Variants in ALOXE3 observed in about 807,000 individuals in gnomAD.
ALOXE3 encodes the protein arachidonate epidermal lipoxygenase 3, also known as hydroperoxide isomerase ALOXE3.
ALOXE3 carries 78 observed loss-of-function variants against 87.5 expected under a neutral mutation model. The ratio of observed to expected loss-of-function variants is 0.89; its 90% CI spans 0.74 to 1.08. The LOEUF (loss-of-function observed/expected upper bound fraction) is 1.08. Ranked by LOEUF, ALOXE3 falls within the 50% of genes least tolerant of loss-of-function variation. The pLI, the probability that ALOXE3 is intolerant of heterozygous loss-of-function variation, is 0.00. For synonymous variants in ALOXE3, 363 were observed against 370.8 expected (o/e 0.98, Z 0.24); for missense variants, 946 against 912.4 (o/e 1.04, Z -0.47).
Position 8,114,478 on chromosome 17 carries a change from C to T in ALOXE3, c.680+6G>A. ...AAGATGTTCATTAGAGGGACAATGG[C>T]CTTACGCAGGGATGGCATTGAAGAG... is the stretch of plus-strand genomic sequence containing the variant. On this transcript the variant is annotated splice_donor_region_variant and intron_variant, in intron 6 of 15. Coordinates refer to ENST00000448843, the MANE Select transcript of ALOXE3 (RefSeq NM_021628.3). The T allele has an allele frequency of 6.2e-7, 1 of 1,613,476 alleles. No individual in the cohort carries two copies. Among genetic ancestry groups the T allele is most frequent in the Non-Finnish European group, 8.5e-7 (1 of 1,179,868 alleles).
chr17:8,117,394 T>C (rs976717790), intron 2 of ALOXE3, among the ~76,000 whole-genome samples: 1 of 152,208 alleles, frequency 6.6e-6, no homozygotes, highest in Non-Finnish European at 1.5e-5. Context: ...CCCTCCAGCC[T>C]GGGCAACAAG....
chr17:8,108,786 A>T (rs1456546877), intron 12 of ALOXE3, among the ~76,000 whole-genome samples, 197 bp from the exon 13 acceptor site: 1 of 151,788 alleles, frequency 6.6e-6, no homozygotes, highest in Non-Finnish European at 1.5e-5. Context: ...GGTGCTCCAC[A>T]CTTCCTTCCT....
intron 15 of ALOXE3, among the ~76,000 whole-genome samples, chr17:8,098,662 T>C (rs573479647): frequency 8.5e-5 from 13 of 152,344 alleles, no homozygotes; most frequent in African/African-American, 3.1e-4. Context: ...TTATATGGTA[T>C]GCATCTTTAT....
rs997827283 is a variant in ALOXE3, at chr17:8,114,922, A to G, written c.554+16T>C. 1.2e-6 allele frequency: 2 copies of G among 1,613,424 alleles called. No homozygotes were observed. The highest frequency in any genetic ancestry group is 2.7e-5 in the African/African-American group (2 of 74,696). ...CTTGACTTCCTTTCCCCTCCTTCCC[A>G]AGCTTTAATCTTCACCTGTCACCCT... On this transcript the variant is annotated intron_variant, in intron 5 of 15. Transcript: ENST00000448843.
rs1458223587 is a variant in ALOXE3, at chr17:8,110,572, C to G, written c.958-44G>C. ...GGCTGAGTGTCCCTCCCTACTCGCG[C>G]TCCACTTCCCTCCCATTTCCCTGCC... On this transcript the variant is annotated intron_variant, in intron 8 of 15. Transcript: ENST00000448843. 1.9e-6 allele frequency: 3 copies of G among 1,612,462 alleles called. No homozygotes were observed. In the South Asian group the frequency reaches 3.3e-5, roughly 18 times the overall value.
chr17:8,114,021 G>A (rs1399755210), intron 6 of ALOXE3, among the ~76,000 whole-genome samples: 27 of 139,040 alleles, frequency 1.9e-4, no homozygotes, highest in African/African-American at 5.4e-4. Flanking sequence ...GTGAAACTCC[G>A]TCTCAAAAAA....
At position 8,118,041 on chromosome 17, in the gene ALOXE3, G is replaced by A. The variant is rs537770794; in HGVS notation, c.-51C>T. On this transcript the variant is annotated 5_prime_UTR_variant, in exon 2 of 16. Transcript: ENST00000448843. ...GGCAACGCTGGCCGCAGCAGCAGCC[G>A]GCCTGGAGGAGAAGAGCGGCACGCC... 3 of 1,598,220 alleles carry A rather than the reference G, an allele frequency of 1.9e-6. No individual in the cohort carries two copies. In the South Asian group the frequency reaches 3.4e-5, roughly 18 times the overall value.
rs767431951 is a variant in ALOXE3, at chr17:8,114,949, G to C, written c.543C>G (p.Asp181Glu). ...GCTTTAATCTTCACCTGTCACCCTG[G>C]TCTACACAAGTTGTCGTCTTTGTCA... ...FALTKTTTCVDQGDSSGNRYL... is the reference protein window; with the variant it reads ...FALTKTTTCVEQGDSSGNRYL... The change falls in exon 5 of 16, where the codon GAC becomes GAG. Residue 181 changes from aspartate (D) to glutamate (E), a missense_variant. Asp to Glu is a conservative substitution (Grantham distance 45, BLOSUM62 2). Coordinates refer to ENST00000448843, the MANE Select transcript of ALOXE3 (RefSeq NM_021628.3). 6 of 1,613,544 alleles carry C rather than the reference G, an allele frequency of 3.7e-6. No homozygotes were observed. The East Asian group carries it at 1.3e-4, about 36-fold the overall frequency.
At chr17:8,111,334 G>T in intron 8 of ALOXE3, 25 bp downstream of exon 8, 1 of 1,611,956 alleles carries the variant, frequency 6.2e-7, no homozygotes. Context: ...CACCTATCAG[G>T]CCCACTGCCC....
chr17:8,116,912 C>T lies in ALOXE3; in HGVS notation c.216G>A (p.Glu72=). 1 of 1,614,266 alleles carries T rather than the reference C, an allele frequency of 6.2e-7. No homozygotes were observed. Among genetic ancestry groups the T allele is most frequent in the East Asian group, 2.2e-5 (1 of 44,884 alleles). The change falls in exon 3 of 16, where the codon GAG becomes GAA. Residue 72 remains glutamate (E), a synonymous_variant. Transcript: ENST00000448843. The part of the protein sequence containing the change: ...GELLLLRVHK[E]RYAFFRKDSW... ...AGTCCTTGCGGAAGAAAGCGTAGCGCTCCTTGTGTACACGCAGCAGCAAGA... is the reference window on the plus strand; with the variant it reads ...AGTCCTTGCGGAAGAAAGCGTAGCGTTCCTTGTGTACACGCAGCAGCAAGA...
Position 8,110,378 on chromosome 17 carries a change from G to A in ALOXE3, c.1101+7C>T, listed in dbSNP as rs1292499017. ...CCCCCATCCCGGGGCGGCGGCGCCG[G>A]GCTCACCTGGATGGCCAAGGGCACC... is the stretch of plus-strand genomic sequence containing the variant. On this transcript the variant is annotated splice_region_variant and intron_variant, in intron 9 of 15. Coordinates refer to ENST00000448843, the MANE Select transcript of ALOXE3 (RefSeq NM_021628.3). 1 of 1,605,360 alleles carries A rather than the reference G, an allele frequency of 6.2e-7. No homozygotes were observed. Among genetic ancestry groups the A allele is most frequent in the South Asian group, 1.1e-5 (1 of 90,492 alleles).
chr17:8,105,914 C>CAAAAAA (rs1164518718), intron 13 of ALOXE3, among the ~76,000 whole-genome samples: 2 of 43,168 alleles, frequency 4.6e-5, no homozygotes, highest in African/African-American at 9.3e-5. Flanking sequence ...GACCCCGCCT[C>CAAAAAA]AAAAAAAAAA....
intron 15 of ALOXE3, 68 bp from the exon 16 acceptor site, chr17:8,096,874 T>C (rs1167900283): frequency 1.1e-5 from 17 of 1,559,146 alleles, no homozygotes; most frequent in Middle Eastern, 1.7e-4. Flanking sequence ...GAGGACCACA[T>C]GTAACAGCAA....
In ALOXE3 at chr17:8,114,550, T is replaced by A; in HGVS notation, c.614A>T (p.Tyr205Phe). The A allele has an allele frequency of 1.2e-6, 2 of 1,613,902 alleles. No homozygotes were observed. The highest frequency in any genetic ancestry group is 1.7e-6 in the Non-Finnish European group (2 of 1,179,944). ...PMKIDIPSLM[Y>F]MEPNVRYSAT... ...TGAGTATCGAACATTGGGCTCCATGTACATCAGGGATGGGATGTCAATTTT... is the reference window on the plus strand; with the variant it reads ...TGAGTATCGAACATTGGGCTCCATGAACATCAGGGATGGGATGTCAATTTT... The change falls in exon 6 of 16, where the codon TAC becomes TTC. Residue 205 changes from tyrosine (Y) to phenylalanine (F), a missense_variant. By Grantham distance (22) the Tyr-to-Phe change is conservative (BLOSUM62 3). Coordinates refer to ENST00000448843, the MANE Select transcript of ALOXE3 (RefSeq NM_021628.3).
intron 14 of ALOXE3, 161 bp from the exon 15 acceptor site, chr17:8,103,654 A>C: frequency 3.5e-6 from 3 of 849,222 alleles, no homozygotes; most frequent in Non-Finnish European, 5.7e-6. Context: ...GGATCATGGA[A>C]AGGCAAGAGA....
intron 13 of ALOXE3, 90 bp from the exon 14 acceptor site, chr17:8,104,305 A>G (rs1179494681): frequency 3.1e-6 from 3 of 961,988 alleles, no homozygotes; most frequent in South Asian, 1.3e-5. Context: ...ACAGGGGGAA[A>G]GTGAGGAAGT....
intron 6 of ALOXE3, among the ~76,000 whole-genome samples, chr17:8,113,749 G>A (rs1980308477): frequency 6.7e-6 from 1 of 149,564 alleles, no homozygotes; most frequent in Non-Finnish European, 1.5e-5. Context: ...TGTGTGGGCT[G>A]GGCGTGGTGG....
chr17:8,108,384 A>G (rs1979692812), intron 13 of ALOXE3, 84 bp downstream of exon 13: 21 of 1,567,902 alleles, frequency 1.3e-5, no homozygotes, highest in Non-Finnish European at 1.8e-5. Context: ...AGGCTGGTCA[A>G]TAAATAACTG....
At position 8,103,362 on chromosome 17, in the gene ALOXE3, G is replaced by T. The variant is rs1250787617; in HGVS notation, c.1917C>A (p.Leu639=). Reference sequence around the variant, plus strand: ...CTTGGCTAACCAACCAGAAGAGGAGGAGGTTGTTACAGCTGATGTTCACTT... The same window carrying T: ...CTTGGCTAACCAACCAGAAGAGGAGTAGGTTGTTACAGCTGATGTTCACTT... ...LPEVNISCNN[L]LLFWLVSQEP... Residue 639 remains leucine, a synonymous_variant, in exon 15 of 16, where the codon CTC becomes CTA. Transcript: ENST00000448843. 6.2e-7 allele frequency: 1 copy of T among 1,614,054 alleles called. No individual in the cohort carries two copies. The highest frequency in any genetic ancestry group is 8.5e-7 in the Non-Finnish European group (1 of 1,179,996).
Sources: allele counts gnomAD v4.1 joint callset (sites outside exome capture counted in the v4.1 genomes callset), GRCh38; gene constraint gnomAD v4.1.1; transcripts MANE v1.5; gene names NCBI Gene and HGNC (gene_info 2026-07-23, HGNC 2026-07-21).